PDE12: variants seen among roughly 807,000 people sequenced by gnomAD.
PDE12 encodes the protein phosphodiesterase 12.
PDE12 carries 26 observed loss-of-function variants against 45.4 expected under a neutral mutation model. The ratio of observed to expected loss-of-function variants is 0.57; its 90% CI spans 0.42 to 0.79. The LOEUF is 0.79. PDE12 is among the 30% of genes least tolerant of loss of function. The pLI, the probability that PDE12 is intolerant of heterozygous loss-of-function variation, is 0.00. For synonymous variants in PDE12, 283 were observed against 323.9 expected, an observed-to-expected ratio of 0.87 and a Z score of 1.36; for missense variants, 668 against 790.0, an observed-to-expected ratio of 0.85 and a Z score of 1.85.
intron 1 of PDE12, among the ~76,000 whole-genome samples, chr3:57,558,450 A>G: frequency 6.6e-6 from 1 of 152,116 alleles, no homozygotes; most frequent in Non-Finnish European, 1.5e-5. Context: ...GTTGTCATGT[A>G]AAATGTATTG....
At chr3:57,580,738 T>C in the PDE12 span, among the ~76,000 whole-genome samples, 1 of 151,752 alleles carries the variant, frequency 6.6e-6, no homozygotes, top group Non-Finnish European at 1.5e-5. Context: ...AAAAGGGACC[T>C]AATTTTATTT....
chr3:57,600,979 T>A, the PDE12 span: 1 of 152,224 alleles, frequency 6.6e-6, no homozygotes, highest in African/African-American at 2.4e-5. Flanking sequence ...GAAAAATTGC[T>A]ATAGTTTATT....
chr3:57,556,554 AGCC>A lies in PDE12; in HGVS notation c.176_178del (p.Ser59_His60delinsAsn). The A allele has an allele frequency of 6.2e-7, 1 of 1,613,574 alleles. No homozygotes were observed. The highest frequency in any genetic ancestry group is 2.2e-5 in the East Asian group (1 of 44,880). Reference sequence around the variant, plus strand: ...CCTGTCATTCGCTTTGGCTGATGGTAGCCACAAGAACATGCAGCGCGACCAGAG... The same window carrying A: ...CCTGTCATTCGCTTTGGCTGATGGTAACAAGAACATGCAGCGCGACCAGAG... On this transcript the variant is annotated inframe_deletion, in exon 1 of 3. Coordinates refer to ENST00000311180, the MANE Select transcript of PDE12 (RefSeq NM_177966.7). This position sits in a 1 kb window ranked among gnomAD's most constrained non-coding sequence, Gnocchi z 5.0.
chr3:57,559,854 A>G lies in PDE12; in HGVS notation c.1680A>G (p.Leu560=), dbSNP rs1361953500. The G allele has an allele frequency of 3.7e-6, 6 of 1,614,032 alleles. No homozygotes were observed. Among genetic ancestry groups the G allele is most frequent in the African/African-American group, 1.3e-5 (1 of 74,924 alleles). Residue 560 remains leucine, a synonymous_variant, in exon 3 of 3, where the codon CTA becomes CTG. Coordinates refer to ENST00000311180, the MANE Select transcript of PDE12 (RefSeq NM_177966.7). ...TNYVGGFHGC[L]DYIFIDLNAL... is the part of the protein sequence containing the mutation. ...ATGTTGGTGGCTTTCATGGATGTCT[A>G]GATTACATTTTCATTGACTTAAATG...
chr3:57,608,445 G>A, the PDE12 span, among the ~76,000 whole-genome samples: 165 of 152,100 alleles, frequency 1.1e-3, 2 homozygotes, highest in East Asian at 0.013. Flanking sequence ...AGACTGGCAA[G>A]TTGGATAAAG....
chr3:57,646,567 C>T, the PDE12 span: 3 of 1,285,992 alleles, frequency 2.3e-6, no homozygotes, highest in Non-Finnish European at 3.1e-6. Flanking sequence ...TGATCTGATA[C>T]ACAAATTCAT....
Position 57,557,573 on chromosome 3 carries a change from C to T in PDE12, c.1194C>T (p.Asp398=), listed in dbSNP as rs1052770348. Residue 398 remains aspartate (D), a synonymous_variant, in exon 1 of 3, where the codon GAC becomes GAT. Coordinates refer to ENST00000311180, the MANE Select transcript of PDE12 (RefSeq NM_177966.7). The stretch of plus-strand genomic sequence containing the variant: ...AGTTCAGCCTTCTTAGCCAGCATGA[C>T]ATTTCATTCTACGAAGCCCTCGAGT... ...KSKFSLLSQH[D]ISFYEALESD... 1.9e-6 allele frequency: 3 copies of T among 1,614,036 alleles called. No individual in the cohort carries two copies. Among genetic ancestry groups the T allele is most frequent in the African/African-American group, 2.7e-5 (2 of 74,910 alleles).
chr3:57,600,001 T>A, the PDE12 span: 3 of 151,670 alleles, frequency 2.0e-5, no homozygotes, highest in Admixed American at 2.0e-4. Context: ...CCATTAACAC[T>A]CTTAACCACT....
the PDE12 span, among the ~76,000 whole-genome samples, chr3:57,616,615 G>T: frequency 1.3e-5 from 2 of 152,154 alleles, no homozygotes; most frequent in African/African-American, 4.8e-5. Context: ...CGTCCAAATA[G>T]CTTAACTGCT....
At chr3:57,599,190 G>T in the PDE12 span, among the ~76,000 whole-genome samples, 2 of 152,212 alleles carry the variant, frequency 1.3e-5, no homozygotes, top group Non-Finnish European at 2.9e-5. Flanking sequence ...TGAGTGGGGA[G>T]GGAGCTTCCA....
chr3:57,638,279 TA>T, the PDE12 span, among the ~76,000 whole-genome samples: 152 of 139,928 alleles, frequency 1.1e-3, no homozygotes, highest in Admixed American at 9.9e-4. Context: ...TTCCTATAAC[TA>T]AAAAAAAAAA....
At chr3:57,615,852 A>G in the PDE12 span, among the ~76,000 whole-genome samples, 4 of 152,188 alleles carry the variant, frequency 2.6e-5, no homozygotes, top group African/African-American at 9.6e-5. Flanking sequence ...ATATAACCAA[A>G]ACGTGGTTAT....
the PDE12 span, among the ~76,000 whole-genome samples, chr3:57,654,180 C>G: frequency 2.0e-5 from 3 of 151,382 alleles, no homozygotes; most frequent in Non-Finnish European, 4.4e-5. Context: ...TGGTCTCGAT[C>G]TCCTGACCTC....
chr3:57,645,698 T>C, the PDE12 span: 11 of 1,613,278 alleles, frequency 6.8e-6, no homozygotes, highest in African/African-American at 1.3e-5. Context: ...TTGAATTCAC[T>C]ATCATGAATA....
rs1282663625 is a variant in PDE12, at chr3:57,565,480, A to T, written c.*5476A>T. The T allele has an allele frequency of 2.0e-5, 3 of 152,224 alleles. No individual in the cohort carries two copies. Among genetic ancestry groups the T allele is most frequent in the African/African-American group, 7.2e-5 (3 of 41,456 alleles). 9.4% of individuals were successfully genotyped at this position (152,224 alleles called of 1,614,324 possible). A position where few individuals can be genotyped will look rare whatever the true frequency, so the allele number is the denominator to read the frequency against. On this transcript the variant is annotated 3_prime_UTR_variant, in exon 3 of 3. Coordinates refer to ENST00000311180, the MANE Select transcript of PDE12 (RefSeq NM_177966.7). ...ACGAACATTCCAATTGTACTCTCTC[A>T]GTTATTCTAAAATGTGATATACACA... is the stretch of plus-strand genomic sequence containing the variant.
At chr3:57,593,088 A>G in the PDE12 span, among the ~76,000 whole-genome samples, 1 of 152,130 alleles carries the variant, frequency 6.6e-6, no homozygotes, top group Non-Finnish European at 1.5e-5. Flanking sequence ...CTGTAGTCCT[A>G]GCTACTCCAG....
At chr3:57,583,820 T>A in the PDE12 span, 6 of 986,288 alleles carry the variant, frequency 6.1e-6, no homozygotes, top group African/African-American at 1.0e-4. Flanking sequence ...AATATCCAAG[T>A]AAATACTAGA....
chr3:57,614,526 T>TTTTTTGTTTTG, the PDE12 span, among the ~76,000 whole-genome samples: 1 of 141,446 alleles, frequency 7.1e-6, no homozygotes, highest in Non-Finnish European at 1.5e-5. Context: ...GTAATCCGTT[T>TTTTTTGTTTTG]TTTTTTTTTT....
At chr3:57,601,006 A>C in the PDE12 span, 58,779 of 152,128 alleles carry the variant, frequency 0.39, 12,709 homozygotes, top group South Asian at 0.56. Flanking sequence ...TTGCTAAGCC[A>C]TGTACTTCAT....
Sources: gnomAD v4.1 joint callset for allele counts (sites outside exome capture counted in the v4.1 genomes callset) on GRCh38, gnomAD v4.1.1 for gene constraint, Gnocchi (gnomAD v3.1) non-coding constraint, MANE v1.5 for transcripts, NCBI Gene and HGNC (gene_info 2026-07-23, HGNC 2026-07-21) for gene names.